Variants in IQSEC3 observed in about 807,000 individuals in gnomAD.
IQSEC3 encodes the protein IQ motif and Sec7 domain ArfGEF 3, also known as IQ motif and SEC7 domain-containing protein 3.
A neutral mutation model predicts 105.4 loss-of-function variants in IQSEC3; 50 were observed. The observed-to-expected ratio is 0.47, with a 90% CI of 0.38 to 0.60. The LOEUF is 0.60. Among genes scored for constraint, IQSEC3 ranks in the 20% least tolerant of loss-of-function variants. IQSEC3 has a pLI of 0.00. For synonymous variants in IQSEC3, 708 were observed against 746.0 expected (o/e 0.95, Z 0.83); for missense variants, 1,415 against 1,630.0 (o/e 0.87, Z 2.27).
At chr12:141,545 G>A (rs1866029205) in intron 5 of IQSEC3, 2 of 435,274 alleles carry the variant, frequency 4.6e-6, no homozygotes, top group Non-Finnish European at 8.2e-6. Flanking sequence ...GGTCCAAAGA[G>A]ACAAAAAGCC....
At chr12:91,063 G>C (rs1555073251) in intron 1 of IQSEC3, among the ~76,000 whole-genome samples, 1 of 152,080 alleles carries the variant, frequency 6.6e-6, no homozygotes, top group Non-Finnish European at 1.5e-5. Context: ...AGGTTCCCTG[G>C]CTGTTTCCTT....
chr12:74,800 T>G (rs1300909051), intron 1 of IQSEC3, among the ~76,000 whole-genome samples: 1 of 152,286 alleles, frequency 6.6e-6, no homozygotes, highest in East Asian at 1.9e-4. Flanking sequence ...CTGTTCAAGA[T>G]TCTCATTTGG....
intron 2 of IQSEC3, among the ~76,000 whole-genome samples, chr12:109,609 C>G (rs562269955): frequency 1.5e-5 from 2 of 133,930 alleles, no homozygotes; most frequent in African/African-American, 2.6e-5. Flanking sequence ...TCCACATCCC[C>G]TTCTCACTTG....
intron 5 of IQSEC3, among the ~76,000 whole-genome samples, chr12:142,816 C>T (rs2137009536): frequency 6.6e-6 from 1 of 152,350 alleles, no homozygotes; most frequent in Admixed American, 6.5e-5. Context: ...CCTTCCTTTT[C>T]TGTGTCCCCT....
chr12:98,286 GT>G (rs1864302619), intron 1 of IQSEC3, among the ~76,000 whole-genome samples: 1 of 152,206 alleles, frequency 6.6e-6, no homozygotes, highest in Non-Finnish European at 1.5e-5. Context: ...AAATCCTCTA[GT>G]CTAGTGCCTC....
Position 138,656 on chromosome 12 carries a change from T to C in IQSEC3, c.1293T>C (p.Ser431=). Reference sequence around the variant, plus strand: ...AGACCATGTGCTCCCTGCGGGAGAGTGGCGCTTACCAGCTCCACCAGGCCC... The same window carrying C: ...AGACCATGTGCTCCCTGCGGGAGAGCGGCGCTTACCAGCTCCACCAGGCCC... ...SLKTMCSLRE[S]GAYQLHQALQ... is the part of the protein sequence containing the mutation. The change falls in exon 4 of 14, where the codon AGT becomes AGC. Residue 431 remains serine (S), a synonymous_variant. Transcript: ENST00000538872. This position sits in a 1 kb window ranked among gnomAD's most constrained non-coding sequence, Gnocchi z 7.1. 1 of 1,569,860 alleles carries C rather than the reference T, an allele frequency of 6.4e-7. No homozygotes were observed. The highest frequency in any genetic ancestry group is 8.6e-7 in the Non-Finnish European group (1 of 1,166,090).
intron 3 of IQSEC3, among the ~76,000 whole-genome samples, chr12:136,257 T>TG (rs1270465390): frequency 2.1e-5 from 2 of 94,080 alleles, no homozygotes; most frequent in Non-Finnish European, 5.4e-5. Context: ...TCCCCAGGTT[T>TG]GGGAATGGGG....
intron 3 of IQSEC3, among the ~76,000 whole-genome samples, chr12:130,457 G>A (rs1170586392): frequency 6.6e-6 from 1 of 152,156 alleles, no homozygotes; most frequent in Non-Finnish European, 1.5e-5. Context: ...GCAGCCCATG[G>A]TTTCGACCCT....
rs539086652 is a variant in IQSEC3, at chr12:66,777, G to T, written c.-106G>T. 44 of 1,014,940 alleles carry T rather than the reference G, an allele frequency of 4.3e-5. No homozygotes were observed. In the South Asian group the frequency reaches 1.0e-3, roughly 23 times the overall value. The allele number at this position is 1,014,940 out of a possible 1,614,324, so 62.9% of individuals were successfully genotyped here. A position where few individuals can be genotyped will look rare whatever the true frequency, so the allele number is the denominator to read the frequency against. ...CCGGCGGGGGGAGGGAGGCTGGGCC[G>T]GTGGGAGAGGGAGGCGAGCCGACCG... On this transcript the variant is annotated 5_prime_UTR_variant, in exon 1 of 14. Coordinates refer to ENST00000538872, the MANE Select transcript of IQSEC3 (RefSeq NM_001170738.2).
chr12:163,228 ACCCC>A (rs1866992059), intron 8 of IQSEC3, among the ~76,000 whole-genome samples: 1 of 38,232 alleles, frequency 2.6e-5, no homozygotes, highest in African/African-American at 1.2e-4. Flanking sequence ...ACAGAACCGG[ACCCC>A]TCCCCTCCCC....
intron 1 of IQSEC3, among the ~76,000 whole-genome samples, chr12:69,365 T>A (rs371692120): frequency 6.6e-6 from 1 of 152,288 alleles, no homozygotes; most frequent in African/African-American, 2.4e-5. Flanking sequence ...GATTTAGGAA[T>A]CATCTGGGCT....
rs782572984 is a variant in IQSEC3, at chr12:138,889, A to G, written c.1526A>G (p.Asn509Ser). 3.7e-6 allele frequency: 6 copies of G among 1,610,558 alleles called. No homozygotes were observed. Among genetic ancestry groups the G allele is most frequent in the Admixed American group, 3.3e-5 (2 of 59,812 alleles). The change falls in exon 4 of 14, where the codon AAC becomes AGC. Residue 509 changes from asparagine to serine, a missense_variant. Asn to Ser is a conservative substitution (Grantham distance 46). Around this residue, in one of 6 missense-constraint regions of IQSEC3, gnomAD observed 720 missense variants for 633.0 expected, o/e 1.14. Transcript: ENST00000538872. This position sits in a 1 kb window ranked among gnomAD's most constrained non-coding sequence, Gnocchi z 7.1. ...VSSSTALSVANCLGAQTVQAP... is the reference protein window; with the variant it reads ...VSSSTALSVASCLGAQTVQAP... ...TCCTCCACGGCTCTGTCGGTGGCCA[A>G]CTGCCTGGGCGCTCAGACGGTCCAG...
intron 3 of IQSEC3, among the ~76,000 whole-genome samples, chr12:127,216 G>A (rs1302713020): frequency 1.3e-5 from 2 of 152,156 alleles, no homozygotes; most frequent in Non-Finnish European, 2.9e-5. Flanking sequence ...TAGCATCCCA[G>A]ACTTTGTAAA....
At chr12:163,259 G>A (rs1555096928) in intron 8 of IQSEC3, among the ~76,000 whole-genome samples, 29 of 39,394 alleles carry the variant, frequency 7.4e-4, no homozygotes, top group Middle Eastern at 0.067. Context: ...CACAGAACCG[G>A]ACCCCTCCCC....
intron 1 of IQSEC3, among the ~76,000 whole-genome samples, chr12:69,622 A>C (rs1319025187): frequency 5.3e-5 from 8 of 152,256 alleles, no homozygotes; most frequent in Non-Finnish European, 1.2e-4. Flanking sequence ...ACACTCAGAA[A>C]CATAGAGACC....
At chr12:95,156 A>G (rs1864205850) in intron 1 of IQSEC3, among the ~76,000 whole-genome samples, 4 of 152,180 alleles carry the variant, frequency 2.6e-5, no homozygotes, top group Admixed American at 2.6e-4. Flanking sequence ...CCGGGAATGA[A>G]CCTCGGGCTG....
intron 11 of IQSEC3, among the ~76,000 whole-genome samples, chr12:166,601 T>A (rs1467273787): frequency 1.3e-5 from 2 of 152,196 alleles, no homozygotes; most frequent in Admixed American, 1.3e-4. Context: ...AGGCGCCAGA[T>A]AGCCTTTAAG....
At chr12:104,479 G>T (rs943183782) in intron 2 of IQSEC3, among the ~76,000 whole-genome samples, 5 of 152,208 alleles carry the variant, frequency 3.3e-5, no homozygotes, top group Admixed American at 2.0e-4. Flanking sequence ...AGAATTAACT[G>T]ATGTTAATAT....
At chr12:151,744 A>ATTCC (rs1289360690) in intron 5 of IQSEC3, among the ~76,000 whole-genome samples, 1 of 152,064 alleles carries the variant, frequency 6.6e-6, no homozygotes, top group African/African-American at 2.4e-5. Flanking sequence ...TCTCCCTGTT[A>ATTCC]CTGTCTGCAC....
Sources: gnomAD v4.1 joint callset for allele counts (sites outside exome capture counted in the v4.1 genomes callset) on GRCh38, gnomAD v4.1.1 for gene constraint, gnomAD v4.1.1 regional missense constraint, Gnocchi (gnomAD v3.1) non-coding constraint, MANE v1.5 for transcripts, NCBI Gene and HGNC (gene_info 2026-07-23, HGNC 2026-07-21) for gene names.